The following SPAST variants were observed in gnomAD, a reference collection of about 807,000 sequenced individuals.
SPAST encodes the protein spastin.
In SPAST, 30 loss-of-function variants were observed where a neutral mutation model predicts 76.6. The observed-to-expected ratio is 0.39, with a 90% CI of 0.29 to 0.53. The LOEUF is 0.53. SPAST is among the 20% of genes least tolerant of loss of function. The pLI is 0.68. For synonymous variants in SPAST, 305 were observed against 281.0 expected (o/e 1.09, Z -0.86); for missense variants, 717 against 770.5 (o/e 0.93, Z 0.82).
chr2:32,066,647 G>A (rs930091450), intron 1 of SPAST, among the ~76,000 whole-genome samples: 4 of 151,656 alleles, frequency 2.6e-5, no homozygotes, highest in African/African-American at 7.3e-5. Context: ...CAGCCTGGGC[G>A]GCAGAGCAAG....
At chr2:32,064,784 TACA>T (rs1004799048) in intron 1 of SPAST, among the ~76,000 whole-genome samples, 1 of 152,252 alleles carries the variant, frequency 6.6e-6, no homozygotes, top group African/African-American at 2.4e-5. Flanking sequence ...ATTTTATCAG[TACA>T]ACGATTCCTG....
chr2:32,102,139 CT>C (rs1010416509), intron 4 of SPAST, among the ~76,000 whole-genome samples: 1 of 152,184 alleles, frequency 6.6e-6, no homozygotes, highest in African/African-American at 2.4e-5. Flanking sequence ...TCTGTGTCCT[CT>C]TTTATTTCAT....
chr2:32,100,860 T>C (rs551174647), intron 4 of SPAST, among the ~76,000 whole-genome samples: 2 of 152,336 alleles, frequency 1.3e-5, no homozygotes, highest in East Asian at 1.9e-4. Flanking sequence ...CAGTCTATCA[T>C]TGATGGACAT....
chr2:32,101,816 T>C (rs1241069477), intron 4 of SPAST, among the ~76,000 whole-genome samples: 3 of 152,206 alleles, frequency 2.0e-5, no homozygotes, highest in Non-Finnish European at 2.9e-5. Context: ...AGGGCTCTGT[T>C]CTGTTCCATT....
intron 1 of SPAST, among the ~76,000 whole-genome samples, chr2:32,064,724 T>C (rs560883068): frequency 6.6e-6 from 1 of 152,336 alleles, no homozygotes; most frequent in East Asian, 1.9e-4. Context: ...TTGAAAGAAA[T>C]AGCTGCATAT....
chr2:32,139,620 G>C (rs745394915), intron 12 of SPAST, among the ~76,000 whole-genome samples: 12 of 152,192 alleles, frequency 7.9e-5, no homozygotes, highest in Non-Finnish European at 1.8e-4. Flanking sequence ...CTGAGGTCAG[G>C]AGTTCGAGAC....
chr2:32,124,173 A>G (rs550197591), intron 7 of SPAST, among the ~76,000 whole-genome samples: 1 of 152,230 alleles, frequency 6.6e-6, no homozygotes, highest in Non-Finnish European at 1.5e-5. Context: ...AAACTCAACA[A>G]TAAGAAAATA....
chr2:32,130,149 T>A (rs542925643), intron 9 of SPAST: 1 of 152,000 alleles, frequency 6.6e-6, no homozygotes, highest in African/African-American at 2.4e-5. Context: ...ATAAAAAATT[T>A]AGCTGGACAT....
chr2:32,091,744 G>T (rs1263728371), intron 3 of SPAST, among the ~76,000 whole-genome samples: 1 of 151,868 alleles, frequency 6.6e-6, no homozygotes, highest in African/African-American at 2.4e-5. Context: ...TGAGGCAGGA[G>T]AATGGCATGA....
chr2:32,063,566 C>T lies in SPAST; in HGVS notation c.-266C>T, dbSNP rs1676366517. The T allele has an allele frequency of 2.0e-6, 1 of 504,726 alleles. No homozygotes were observed. The highest frequency in any genetic ancestry group is 2.1e-5 in the African/African-American group (1 of 48,422). The allele number at this position is 504,726 out of a possible 1,614,324, so 31.3% of individuals were successfully genotyped here. A position where few individuals can be genotyped will look rare whatever the true frequency, so the allele number is the denominator to read the frequency against. ...AAGACGTGCGCGTGCGCGGCCGCCG[C>T]TGGGAGCCACCAGGCGGCGGAGAGG... On this transcript the variant is annotated 5_prime_UTR_variant, in exon 1 of 17. Transcript: ENST00000315285.
chr2:32,131,921 A>G (rs1296962122), intron 9 of SPAST, among the ~76,000 whole-genome samples: 1 of 151,470 alleles, frequency 6.6e-6, no homozygotes, highest in Admixed American at 6.6e-5. Flanking sequence ...CTACCTCCCA[A>G]AGTGCTGGAT....
In SPAST at chr2:32,087,475, A is replaced by G. The variant is rs372432599; in HGVS notation, c.416-17A>G. ...TACTCTTCATACGATCTATACAAAT[A>G]ATTTTTTATTTTAAAGCAGGACAGA... On this transcript the variant is annotated splice_polypyrimidine_tract_variant and intron_variant, in intron 1 of 16. Coordinates refer to ENST00000315285, the MANE Select transcript of SPAST (RefSeq NM_014946.4). 4.0e-6 allele frequency: 6 copies of G among 1,505,292 alleles called. No homozygotes were observed. The South Asian group carries it at 4.5e-5, about 11-fold the overall frequency. 93.2% of individuals were successfully genotyped at this position (1,505,292 alleles called of 1,614,324 possible).
In SPAST at chr2:32,086,039, CTAAATAAA is replaced by C. The variant is rs57272659; in HGVS notation, c.416-1430_416-1423del. On this transcript the variant is annotated intron_variant, in intron 1 of 16. Transcript: ENST00000315285. ...CCTGGGCTACAGAGAGAGACTCCAT[CTAAATAAA>C]TAAATAAATAAATAAATAAATAGAC... Among the ~76,000 whole-genome samples the C allele has an allele frequency of 2.8e-3, 416 of 150,400 alleles. 3 individuals are homozygous for C. The highest frequency in any genetic ancestry group is 3.6e-3 in the Non-Finnish European group (243 of 67,648).
At chr2:32,148,605 C>T (rs1054892944) in intron 16 of SPAST, among the ~76,000 whole-genome samples, 2 of 152,052 alleles carry the variant, frequency 1.3e-5, no homozygotes, top group Admixed American at 6.5e-5. Context: ...GTCAGGAGAT[C>T]GAGACCATGC....
chr2:32,063,612 G>T lies in SPAST; in HGVS notation c.-220G>T, dbSNP rs886055957. 1.7e-6 allele frequency: 1 copy of T among 584,104 alleles called. No individual in the cohort carries two copies. The highest frequency in any genetic ancestry group is 2.1e-5 in the South Asian group (1 of 47,260). The allele number at this position is 584,104 out of a possible 1,614,324, so 36.2% of individuals were successfully genotyped here. On this transcript the variant is annotated 5_prime_UTR_variant, in exon 1 of 17. Coordinates refer to ENST00000315285, the MANE Select transcript of SPAST (RefSeq NM_014946.4). ...AGAGGACAGCGACAGGAAGGGAGGG[G>T]CCCGAGCCACCGACTGCAGGAGGAG...
chr2:32,071,153 A>G (rs186852506), intron 1 of SPAST, among the ~76,000 whole-genome samples: 85 of 152,310 alleles, frequency 5.6e-4, no homozygotes, highest in Non-Finnish European at 1.2e-3. Flanking sequence ...CTCCTGGGTA[A>G]CACAATGGTG....
intron 4 of SPAST, among the ~76,000 whole-genome samples, chr2:32,107,377 A>G (rs1276553838): frequency 2.0e-5 from 3 of 151,952 alleles, no homozygotes; most frequent in Non-Finnish European, 4.4e-5. Context: ...TCATCCTCCC[A>G]AGTAGCTGGG....
In SPAST at chr2:32,123,520, T is replaced by C. The variant is rs75736414; in HGVS notation, c.1099-3428T>C. On this transcript the variant is annotated intron_variant, in intron 7 of 16. Transcript: ENST00000315285. ...CCCCAGCCAGTTATTTTGTGGATACTGGCAAACTAAAGTTTATATGAAAAG... is the reference window on the plus strand; with the variant it reads ...CCCCAGCCAGTTATTTTGTGGATACCGGCAAACTAAAGTTTATATGAAAAG... Among the ~76,000 whole-genome samples, 415 of 152,290 alleles carry C rather than the reference T, an allele frequency of 2.7e-3. 4 individuals are homozygous for C. The highest frequency in any genetic ancestry group is 9.8e-3 in the African/African-American group (406 of 41,552).
chr2:32,099,234 A>G (rs570007757), intron 4 of SPAST, among the ~76,000 whole-genome samples: 2 of 152,192 alleles, frequency 1.3e-5, no homozygotes, highest in Admixed American at 6.5e-5. Context: ...TTTTTCATGA[A>G]ATAGTGTTTT....
Sources: allele counts gnomAD v4.1 joint callset (sites outside exome capture counted in the v4.1 genomes callset), GRCh38; gene constraint gnomAD v4.1.1; transcripts MANE v1.5; gene names NCBI Gene and HGNC (gene_info 2026-07-23, HGNC 2026-07-21).